TRPM3: variants seen among roughly 807,000 people sequenced by gnomAD.
TRPM3 encodes the protein transient receptor potential cation channel subfamily M member 3.
In TRPM3, 77 loss-of-function variants were observed where a neutral mutation model predicts 181.2. That is an observed-to-expected ratio of 0.42 (90% CI 0.35 to 0.51). The LOEUF (loss-of-function observed/expected upper bound fraction) is 0.51, where lower values mean the gene tolerates loss of function less well. Among genes scored for constraint, TRPM3 ranks in the 20% least tolerant of loss-of-function variants. The pLI is 0.01. For missense variants in TRPM3, 1,759 were observed against 2,196.7 expected, an observed-to-expected ratio of 0.80 and a Z score of 3.98; for synonymous variants, 745 against 796.4, an observed-to-expected ratio of 0.94 and a Z score of 1.09.
At chr9:71,095,758 C>CAAAAAAAAAAAAAAAAAAAA (rs34934062) in intron 1 of TRPM3, among the ~76,000 whole-genome samples, 1 of 85,298 alleles carries the variant, frequency 1.2e-5, no homozygotes, top group Non-Finnish European at 2.3e-5. Context: ...GACTCTGTGT[C>CAAAAAAAAAAAAAAAAAAAA]AAAAAAAAAA....
intron 1 of TRPM3, among the ~76,000 whole-genome samples, chr9:70,868,681 G>A (rs1419631054): frequency 6.6e-6 from 1 of 151,954 alleles, no homozygotes; most frequent in Non-Finnish European, 1.5e-5. Flanking sequence ...CAGCAGGGCA[G>A]CTTAACAGAA....
intron 1 of TRPM3, among the ~76,000 whole-genome samples, chr9:71,186,867 C>A (rs2077711842): frequency 6.6e-6 from 1 of 151,990 alleles, no homozygotes; most frequent in Admixed American, 6.6e-5. Flanking sequence ...TATGTCAACT[C>A]ATCTATGAAC....
intron 8 of TRPM3, among the ~76,000 whole-genome samples, chr9:70,694,838 CAT>C (rs1190105309): frequency 1.4e-4 from 22 of 152,214 alleles, no homozygotes; most frequent in Admixed American, 1.4e-3. Context: ...AAATGTTGTT[CAT>C]ATGTTTTTCG....
chr9:70,814,557 T>A (rs905308016), intron 6 of TRPM3, among the ~76,000 whole-genome samples: 1 of 152,192 alleles, frequency 6.6e-6, no homozygotes, highest in African/African-American at 2.4e-5. Context: ...AAGCATCAAA[T>A]GTATTACATT....
At chr9:70,633,176 A>T (rs1037951028) in intron 12 of TRPM3, among the ~76,000 whole-genome samples, 1 of 152,212 alleles carries the variant, frequency 6.6e-6, no homozygotes, top group African/African-American at 2.4e-5. Flanking sequence ...AGGGACAGAG[A>T]TTAACTTAAG....
intron 1 of TRPM3, among the ~76,000 whole-genome samples, chr9:71,226,009 T>TAAAAAAAAAAAAA: frequency 2.9e-5 from 1 of 34,706 alleles, no homozygotes; most frequent in Non-Finnish European, 4.9e-5. Context: ...CAACAAAAGG[T>TAAAAAAAAAAAAA]AAAAAAAAAA....
At chr9:71,096,332 C>T (rs2067196484) in intron 1 of TRPM3, among the ~76,000 whole-genome samples, 1 of 149,960 alleles carries the variant, frequency 6.7e-6, no homozygotes, top group South Asian at 2.2e-4. Context: ...AACTACCCTT[C>T]TAGGACCTGA....
At chr9:70,950,084 C>T (rs764008280) in intron 1 of TRPM3, among the ~76,000 whole-genome samples, 6 of 152,146 alleles carry the variant, frequency 3.9e-5, no homozygotes, top group East Asian at 1.9e-4. Flanking sequence ...TTTGAAGCCT[C>T]CCTTCACAGT....
At chr9:71,252,800 G>A (rs1179836635) in intron 1 of TRPM3, among the ~76,000 whole-genome samples, 3 of 149,848 alleles carry the variant, frequency 2.0e-5, no homozygotes, top group African/African-American at 7.4e-5. Context: ...AGCCTCCCAA[G>A]TAGCTGGGAC....
At chr9:70,918,226 A>G (rs2096620903) in intron 1 of TRPM3, among the ~76,000 whole-genome samples, 1 of 152,230 alleles carries the variant, frequency 6.6e-6, no homozygotes, top group Admixed American at 6.5e-5. Context: ...CAGAAAGAAG[A>G]TCAGCAAAGA....
intron 8 of TRPM3, among the ~76,000 whole-genome samples, chr9:70,754,904 C>A (rs149855622): frequency 2.2e-3 from 335 of 152,232 alleles, no homozygotes; most frequent in African/African-American, 7.4e-3. Flanking sequence ...CTCTTCCTGG[C>A]TCTGTACATC....
chr9:71,311,509 A>C (rs2132401844), intron 1 of TRPM3, among the ~76,000 whole-genome samples: 1 of 152,300 alleles, frequency 6.6e-6, no homozygotes, highest in Middle Eastern at 3.4e-3. Flanking sequence ...AATACAATGA[A>C]GCAAAGACTG....
At chr9:71,438,506 C>CA (rs35560368) in intron 1 of TRPM3, among the ~76,000 whole-genome samples, 84,705 of 149,626 alleles carry the variant, frequency 0.57, 28,731 homozygotes, top group Non-Finnish European at 0.77. Flanking sequence ...CCCTTCTCTA[C>CA]AAAAAAAAAT....
chr9:71,280,152 C>T (rs1318185495), intron 1 of TRPM3, among the ~76,000 whole-genome samples: 1 of 151,546 alleles, frequency 6.6e-6, no homozygotes, highest in East Asian at 1.9e-4. Context: ...TTATGCTCTA[C>T]TGATACATGG....
chr9:71,207,653 A>G (rs1294750353), intron 1 of TRPM3, among the ~76,000 whole-genome samples: 1 of 152,174 alleles, frequency 6.6e-6, no homozygotes, highest in East Asian at 1.9e-4. Context: ...TTCTCCACAC[A>G]GTAATGAATA....
intron 1 of TRPM3, among the ~76,000 whole-genome samples, chr9:71,223,678 C>T (rs1417043776): frequency 6.6e-6 from 1 of 152,194 alleles, no homozygotes; most frequent in Non-Finnish European, 1.5e-5. Context: ...GCCCACTTCC[C>T]TGAAAGGTGA....
chr9:70,891,131 T>G (rs2096195922), intron 1 of TRPM3, among the ~76,000 whole-genome samples: 1 of 152,198 alleles, frequency 6.6e-6, no homozygotes, highest in Non-Finnish European at 1.5e-5. Context: ...GTAACAAACC[T>G]GCACGTTGTG....
chr9:70,620,156 C>A lies in TRPM3; in HGVS notation c.2049G>T (p.Lys683Asn). 6.2e-7 allele frequency: 1 copy of A among 1,614,208 alleles called. No individual in the cohort carries two copies. Among genetic ancestry groups the A allele is most frequent in the Non-Finnish European group, 8.5e-7 (1 of 1,180,036 alleles). ...EAMAKALVAC[K>N]LCKAMAHEAS... ...CCTCATGAGCCATGGCTTTGCAGAG[C>A]TTGCAGGCCACCAGGGCCTTGGCCA... Residue 683 changes from lysine to asparagine, a missense_variant, in exon 16 of 26, where the codon AAG (lysine) becomes AAT (asparagine). By Grantham distance (94) the Lys-to-Asn change is moderately conservative. This residue lies in a region of TRPM3 where 737 missense variants were observed against 957.4 expected (regional missense o/e 0.77). Transcript: ENST00000677713.
chr9:70,552,239 C>T (rs1378633447), intron 24 of TRPM3, among the ~76,000 whole-genome samples: 2 of 152,132 alleles, frequency 1.3e-5, no homozygotes, highest in Non-Finnish European at 2.9e-5. Flanking sequence ...ATATGCCAAA[C>T]CTCCTGCAGT....
Sources: gnomAD v4.1 joint callset for allele counts (sites outside exome capture counted in the v4.1 genomes callset) on GRCh38, gnomAD v4.1.1 for gene constraint, gnomAD v4.1.1 regional missense constraint, MANE v1.5 for transcripts, NCBI Gene and HGNC (gene_info 2026-07-23, HGNC 2026-07-21) for gene names.